The following HEMK1 variants were observed in gnomAD, a reference collection of about 807,000 sequenced individuals.
HEMK1 encodes the protein HemK methyltransferase 1, mitochondrial release factors N(5)-glutamine.
In HEMK1, 36 loss-of-function variants were observed where a neutral mutation model predicts 47.9. The observed-to-expected ratio is 0.75, with a 90% confidence interval of 0.58 to 0.99. The LOEUF is 0.99. HEMK1 is among the 50% of genes least tolerant of loss of function. HEMK1 has a pLI of 0.00. For missense variants in HEMK1, 383 were observed against 434.5 expected (o/e 0.88, Z 1.05); for synonymous variants, 153 against 165.4 (o/e 0.93, Z 0.57).
intron 7 of HEMK1, 105 bp downstream of exon 7, chr3:50,577,980 C>A: frequency 2.1e-6 from 2 of 947,694 alleles, no homozygotes; most frequent in Admixed American, 1.7e-5. Flanking sequence ...CCAACAGCCA[C>A]ACAGCCACAC....
At chr3:50,580,290 A>G (rs1177603957) in intron 10 of HEMK1, 61 bp downstream of exon 10, 31 of 1,605,834 alleles carry the variant, frequency 1.9e-5, no homozygotes, top group Non-Finnish European at 2.6e-5. Flanking sequence ...GGCCATCCTC[A>G]GCCCTGGCTG....
At position 50,579,948 on chromosome 3, in the gene HEMK1, G is replaced by T; in HGVS notation, c.866+9G>T. The T allele has an allele frequency of 6.2e-7, 1 of 1,608,208 alleles. No individual in the cohort carries two copies. Among genetic ancestry groups the T allele is most frequent in the South Asian group, 1.1e-5 (1 of 90,858 alleles). On this transcript the variant is annotated intron_variant, in intron 9 of 10. Transcript: ENST00000232854. ...CTCCTGAAAGACTCTGGGTATGAATGGGATGGGTCTCCTAGGTCTGTCCCC... is the reference window on the plus strand; with the variant it reads ...CTCCTGAAAGACTCTGGGTATGAATTGGATGGGTCTCCTAGGTCTGTCCCC...
At position 50,578,853 on chromosome 3, in the gene HEMK1, A is replaced by G. The variant is rs1327861345; in HGVS notation, c.697A>G (p.Met233Val). 1 of 1,613,342 alleles carries G rather than the reference A, an allele frequency of 6.2e-7. No homozygotes were observed. Among genetic ancestry groups the G allele is most frequent in the Non-Finnish European group, 8.5e-7 (1 of 1,179,742 alleles). The change falls in exon 8 of 11, where the codon ATG becomes GTG. Residue 233 changes from methionine to valine, a missense_variant. Physicochemically the swap from Met to Val is conservative, Grantham distance 21 (BLOSUM62 1). Transcript: ENST00000232854. ...CTGGACACACCTGCCCTGGGGCCCC[A>G]TGGACCTGATTGTCAGCAACCCTCC... ...RSWTHLPWGPMDLIVSNPPYV... is the reference protein window; with the variant it reads ...RSWTHLPWGPVDLIVSNPPYV...
intron 4 of HEMK1, among the ~76,000 whole-genome samples, chr3:50,576,031 A>G (rs1701554584): frequency 6.6e-6 from 1 of 152,228 alleles, no homozygotes; most frequent in South Asian, 2.1e-4. Flanking sequence ...GGGCAGGTAC[A>G]GTGCAGTCAG....
chr3:50,593,627 CTG>C lies in HEMK1; in HGVS notation c.*13211_*13212del, dbSNP rs1312153011. 1.3e-5 allele frequency: 2 copies of C among 152,208 alleles called. No homozygotes were observed. Among genetic ancestry groups the C allele is most frequent in the Non-Finnish European group, 2.9e-5 (2 of 68,048 alleles). The allele number at this position is 152,208 out of a possible 1,614,324, so 9.4% of individuals were successfully genotyped here. A position where few individuals can be genotyped will look rare whatever the true frequency, so the allele number is the denominator to read the frequency against. On this transcript the variant is annotated 3_prime_UTR_variant, in exon 11 of 11. Transcript: ENST00000232854. ...TAATTTACAGGGGTTTATCTTATAA[CTG>C]GACACCTTTTTGTTTTCTCTTACAA...
At position 50,570,989 on chromosome 3, in the gene HEMK1, C is replaced by T. The variant is rs192895909; in HGVS notation, c.-116C>T. The T allele has an allele frequency of 4.8e-4, 352 of 726,054 alleles. 5 individuals carry two copies. The East Asian group carries it at 0.01, about 21-fold the overall frequency. The allele number at this position is 726,054 out of a possible 1,614,324, so 45.0% of individuals were successfully genotyped here. On this transcript the variant is annotated 5_prime_UTR_variant, in exon 2 of 11. Coordinates refer to ENST00000232854, the MANE Select transcript of HEMK1 (RefSeq NM_016173.5). ...ATTTTGGGGCACCAGAGCTTGTGAC[C>T]TCTCCATCTCCACCCAGCTGGGTCC... is the stretch of plus-strand genomic sequence containing the variant.
At position 50,577,527 on chromosome 3, in the gene HEMK1, G is replaced by A. The variant is rs1462820682; in HGVS notation, c.568G>A (p.Asp190Asn). 9.9e-6 allele frequency: 16 copies of A among 1,614,058 alleles called. No homozygotes were observed. The highest frequency in any genetic ancestry group is 2.7e-5 in the African/African-American group (2 of 74,926). The change falls in exon 6 of 11, where the codon GAT becomes AAT. Residue 190 changes from aspartate to asparagine, a missense_variant. By Grantham distance (23) the Asp-to-Asn change is conservative. Coordinates refer to ENST00000232854, the MANE Select transcript of HEMK1 (RefSeq NM_016173.5). ...QLPQSRVIAV[D>N]KREAAISLTH... Reference sequence around the variant, plus strand: ...GGGACAGAGCCGAGTCATTGCTGTGGATAAGCGGGAAGCTGCTATCTCTCT... The same window carrying A: ...GGGACAGAGCCGAGTCATTGCTGTGAATAAGCGGGAAGCTGCTATCTCTCT...
At chr3:50,580,320 C>T in intron 10 of HEMK1, 61 bp from the exon 11 acceptor site, 1 of 1,610,372 alleles carries the variant, frequency 6.2e-7, no homozygotes. Context: ...TGTGCTGTTC[C>T]CACTTCCTGT....
intron 4 of HEMK1, among the ~76,000 whole-genome samples, chr3:50,573,511 A>G (rs1701250384): frequency 2.0e-5 from 3 of 152,202 alleles, no homozygotes; most frequent in African/African-American, 7.2e-5. Context: ...CTGAGTATCA[A>G]GTGTGGACTT....
rs1390577285 is a variant in HEMK1 at position 50,592,294 on chromosome 3, T to C, written c.*11877T>C. ...CCACACTCCGTTGACCTCTGGGAAA[T>C]GGAGGCTGGTGATTCTCCCAGCAAA... On this transcript the variant is annotated 3_prime_UTR_variant, in exon 11 of 11. Transcript: ENST00000232854. 3 of 151,854 alleles carry C rather than the reference T, an allele frequency of 2.0e-5. No individual in the cohort carries two copies. Among genetic ancestry groups the C allele is most frequent in the Non-Finnish European group, 4.4e-5 (3 of 67,954 alleles). 9.4% of individuals were successfully genotyped at this position (151,854 alleles called of 1,614,324 possible).
At position 50,593,709 on chromosome 3, in the gene HEMK1, A is replaced by C. The variant is rs1225832647; in HGVS notation, c.*13292A>C. 1 of 151,768 alleles carries C rather than the reference A, an allele frequency of 6.6e-6. No individual in the cohort carries two copies. Among genetic ancestry groups the C allele is most frequent in the Non-Finnish European group, 1.5e-5 (1 of 67,986 alleles). 9.4% of individuals were successfully genotyped at this position (151,768 alleles called of 1,614,324 possible). A position where few individuals can be genotyped will look rare whatever the true frequency, so the allele number is the denominator to read the frequency against. On this transcript the variant is annotated 3_prime_UTR_variant, in exon 11 of 11. Transcript: ENST00000232854. Reference sequence around the variant, plus strand: ...TTCTACATTGACATTTTACCACTGAAAATAATGACAATGACAAATTTGTCT... The same window carrying C: ...TTCTACATTGACATTTTACCACTGACAATAATGACAATGACAAATTTGTCT...
At position 50,585,863 on chromosome 3, in the gene HEMK1, A is replaced by G. The variant is rs1481483357; in HGVS notation, c.*5446A>G. ...CAGCACTTGACTCCTGACTCCCAGT[A>G]TGATGCTCTCATCTCCTATTGCTTC... is the stretch of plus-strand genomic sequence containing the variant. On this transcript the variant is annotated 3_prime_UTR_variant, in exon 11 of 11. Coordinates refer to ENST00000232854, the MANE Select transcript of HEMK1 (RefSeq NM_016173.5). 6.6e-6 allele frequency: 1 copy of G among 152,228 alleles called. No individual in the cohort carries two copies. Among genetic ancestry groups the G allele is most frequent in the Non-Finnish European group, 1.5e-5 (1 of 68,048 alleles). 9.4% of individuals were successfully genotyped at this position (152,228 alleles called of 1,614,324 possible). A position where few individuals can be genotyped will look rare whatever the true frequency, so the allele number is the denominator to read the frequency against.
intron 4 of HEMK1, among the ~76,000 whole-genome samples, chr3:50,576,795 G>A (rs113783384): frequency 7.9e-5 from 12 of 152,308 alleles, no homozygotes; most frequent in African/African-American, 2.9e-4. Flanking sequence ...CATGAAACAG[G>A]TGTGGATTAG....
chr3:50,593,674 C>T lies in HEMK1; in HGVS notation c.*13257C>T, dbSNP rs182125497. ...TTACAAGATGTGCTTGTTGTTGCTT[C>T]TCTTGGATTTTCTACATTGACATTT... On this transcript the variant is annotated 3_prime_UTR_variant, in exon 11 of 11. Coordinates refer to ENST00000232854, the MANE Select transcript of HEMK1 (RefSeq NM_016173.5). 1 of 152,108 alleles carries T rather than the reference C, an allele frequency of 6.6e-6. No individual in the cohort carries two copies. Among genetic ancestry groups the T allele is most frequent in the Admixed American group, 6.5e-5 (1 of 15,280 alleles). The allele number at this position is 152,108 out of a possible 1,614,324, so 9.4% of individuals were successfully genotyped here. A position where few individuals can be genotyped will look rare whatever the true frequency, so the allele number is the denominator to read the frequency against.
Position 50,580,181 on chromosome 3 carries a change from C to T in HEMK1, c.932C>T (p.Pro311Leu). ...ELVSSWLQSR[P>L]DLYLNLVAVR... Reference sequence around the variant, plus strand: ...GTCAGCAGCTGGCTTCAGAGCCGGCCTGACCTGTACCTTAATCTTGTGGCT... The same window carrying T: ...GTCAGCAGCTGGCTTCAGAGCCGGCTTGACCTGTACCTTAATCTTGTGGCT... The change falls in exon 10 of 11, where the codon CCT (proline) becomes CTT (leucine). Residue 311 changes from proline (P) to leucine (L), a missense_variant. Coordinates refer to ENST00000232854, the MANE Select transcript of HEMK1 (RefSeq NM_016173.5). 6.2e-7 allele frequency: 1 copy of T among 1,614,180 alleles called. No individual in the cohort carries two copies. Among genetic ancestry groups the T allele is most frequent in the Non-Finnish European group, 8.5e-7 (1 of 1,180,032 alleles).
At position 50,577,862 on chromosome 3, in the gene HEMK1, C is replaced by T. The variant is rs771949636; in HGVS notation, c.651C>T (p.Leu217=). The T allele has an allele frequency of 1.1e-5, 18 of 1,614,002 alleles. No individual in the cohort carries two copies. Among genetic ancestry groups the T allele is most frequent in the Non-Finnish European group, 1.4e-5 (16 of 1,180,026 alleles). ...AGGACAGGATTTGGATCATCCACCT[C>T]GACATGACCTCAGGTACCCTCCCCT... ...RLQDRIWIIH[L]DMTSERSWTH... is the part of the protein sequence containing the mutation. The change falls in exon 7 of 11, where the codon CTC becomes CTT. Residue 217 remains leucine, a synonymous_variant. Transcript: ENST00000232854.
In HEMK1 at chr3:50,584,858, G is replaced by A. The variant is rs1387127160; in HGVS notation, c.*4441G>A. On this transcript the variant is annotated 3_prime_UTR_variant, in exon 11 of 11. Coordinates refer to ENST00000232854, the MANE Select transcript of HEMK1 (RefSeq NM_016173.5). Reference sequence around the variant, plus strand: ...CTGTAACACACGCCTACTGATTGAAGTGGCTTTGGAATTGCAACGTGGAAA... The same window carrying A: ...CTGTAACACACGCCTACTGATTGAAATGGCTTTGGAATTGCAACGTGGAAA... 6.6e-6 allele frequency: 1 copy of A among 152,252 alleles called. No individual in the cohort carries two copies. The highest frequency in any genetic ancestry group is 1.5e-5 in the Non-Finnish European group (1 of 68,050). The allele number at this position is 152,252 out of a possible 1,614,324, so 9.4% of individuals were successfully genotyped here. A position where few individuals can be genotyped will look rare whatever the true frequency, so the allele number is the denominator to read the frequency against.
Position 50,587,510 on chromosome 3 carries a change from T to A in HEMK1, c.*7093T>A, listed in dbSNP as rs1490268941. The A allele has an allele frequency of 1.3e-5, 2 of 152,278 alleles. No homozygotes were observed. Among genetic ancestry groups the A allele is most frequent in the African/African-American group, 2.4e-5 (1 of 41,450 alleles). The allele number at this position is 152,278 out of a possible 1,614,324, so 9.4% of individuals were successfully genotyped here. ...AACAAACTGGGGCTAAGAAACTTGC[T>A]CATAGGCTGGCTGAGCTGTGATTCT... is the stretch of plus-strand genomic sequence containing the variant. On this transcript the variant is annotated 3_prime_UTR_variant, in exon 11 of 11. Coordinates refer to ENST00000232854, the MANE Select transcript of HEMK1 (RefSeq NM_016173.5). The surrounding 1 kb of genome is among the most constrained non-coding windows in gnomAD (Gnocchi z 4.2).
chr3:50,578,804 C>T lies in HEMK1; in HGVS notation c.665-17C>T. 1 of 1,575,402 alleles carries T rather than the reference C, an allele frequency of 6.3e-7. No individual in the cohort carries two copies. The highest frequency in any genetic ancestry group is 1.1e-5 in the South Asian group (1 of 88,892). On this transcript the variant is annotated splice_polypyrimidine_tract_variant and intron_variant, in intron 7 of 10. Transcript: ENST00000232854. Reference sequence around the variant, plus strand: ...AATGGGTTAGTCCCTACTGTGTGTCCTCTTCTTTGACGACAGAAAGGAGCT... The same window carrying T: ...AATGGGTTAGTCCCTACTGTGTGTCTTCTTCTTTGACGACAGAAAGGAGCT...
Sources: gnomAD v4.1 joint callset for allele counts (sites outside exome capture counted in the v4.1 genomes callset) on GRCh38, gnomAD v4.1.1 for gene constraint, Gnocchi (gnomAD v3.1) non-coding constraint, MANE v1.5 for transcripts, NCBI Gene and HGNC (gene_info 2026-07-23, HGNC 2026-07-21) for gene names.